The following SYNPR variants were observed in gnomAD, a reference collection of about 807,000 sequenced individuals.
SYNPR encodes synaptoporin.
Under a neutral mutation model 32.9 loss-of-function variants are expected in SYNPR, and 23 were observed. The observed-to-expected ratio is 0.70, with a 90% CI of 0.50 to 0.99. SYNPR has a LOEUF of 0.99. Ranked by LOEUF, SYNPR falls within the 50% of genes least tolerant of loss-of-function variation. The pLI is 0.00. For missense variants in SYNPR, 318 were observed against 349.3 expected (o/e 0.91, Z 0.71); for synonymous variants, 146 against 135.9 (o/e 1.07, Z -0.52).
chr3:63,219,894 T>C, the SYNPR span, among the ~76,000 whole-genome samples: 1 of 152,100 alleles, frequency 6.6e-6, no homozygotes, highest in Non-Finnish European at 1.5e-5. Context: ...GCACACTTGG[T>C]ATAAATTTTA....
chr3:63,231,576 C>T (rs1326252364), intron 1 of SYNPR, among the ~76,000 whole-genome samples: 1 of 142,704 alleles, frequency 7.0e-6, no homozygotes, highest in Admixed American at 7.0e-5. Context: ...AAATTACTTC[C>T]ATAATGATAA....
At chr3:63,237,637 T>G (rs1275672011) in intron 1 of SYNPR, among the ~76,000 whole-genome samples, 1 of 152,174 alleles carries the variant, frequency 6.6e-6, no homozygotes, top group African/African-American at 2.4e-5. Flanking sequence ...GAACATTTTG[T>G]CTATTATGTT....
chr3:63,534,909 A>C (rs1220168607), intron 3 of SYNPR, among the ~76,000 whole-genome samples: 1 of 151,904 alleles, frequency 6.6e-6, no homozygotes, highest in Non-Finnish European at 1.5e-5. Flanking sequence ...TAAGGAATCC[A>C]CCCCCATAAC....
At chr3:63,421,141 C>T (rs1184057932) in intron 2 of SYNPR, among the ~76,000 whole-genome samples, 2 of 152,064 alleles carry the variant, frequency 1.3e-5, no homozygotes, top group African/African-American at 2.4e-5. Context: ...TTTTGGCCTC[C>T]GAAATTGCCG....
At chr3:63,427,151 A>G (rs893593319) in intron 2 of SYNPR, among the ~76,000 whole-genome samples, 10 of 151,676 alleles carry the variant, frequency 6.6e-5, no homozygotes, top group African/African-American at 1.9e-4. Flanking sequence ...ATCTTTAAAA[A>G]AAAAAAAAAG....
intron 5 of SYNPR, among the ~76,000 whole-genome samples, chr3:63,614,941 C>T (rs1271882924): frequency 6.6e-6 from 1 of 152,192 alleles, no homozygotes; most frequent in African/African-American, 2.4e-5. Flanking sequence ...AAGCTTTCCA[C>T]ATCTTTAATG....
intron 3 of SYNPR, among the ~76,000 whole-genome samples, chr3:63,272,488 C>T (rs187376765): frequency 1.9e-4 from 29 of 149,236 alleles, no homozygotes; most frequent in African/African-American, 6.1e-4. Context: ...GGTGTTAAAA[C>T]TGACCCAATC....
Position 63,435,441 on chromosome 3 carries a change from G to A in SYNPR, c.85-45391G>A, listed in dbSNP as rs75667792. Among the ~76,000 whole-genome samples, 52 of 152,278 alleles carry A rather than the reference G, an allele frequency of 3.4e-4. No homozygotes were observed. The East Asian group carries it at 4.1e-3, about 12-fold the overall frequency. ...CACAACTGCCAAATTTCTCCATTACGTAAGTGGTTCTCCACAGTTTTTCAT... is the reference window on the plus strand; with the variant it reads ...CACAACTGCCAAATTTCTCCATTACATAAGTGGTTCTCCACAGTTTTTCAT... On this transcript the variant is annotated intron_variant, in intron 2 of 5. Transcript: ENST00000478300.
chr3:63,240,870 T>C lies in SYNPR; in HGVS notation n.67-11629T>C, dbSNP rs189332838. ...TTCATGCCAGCACATCACCAGCTAATTGCCCTGTGGTAGAATCCCACTGTG... is the reference window on the plus strand; with the variant it reads ...TTCATGCCAGCACATCACCAGCTAACTGCCCTGTGGTAGAATCCCACTGTG... On this transcript the variant is annotated intron_variant and non_coding_transcript_variant, in intron 1 of 4. Coordinates refer to the SYNPR transcript ENST00000478456. Among the ~76,000 whole-genome samples the C allele has an allele frequency of 9.7e-4, 147 of 152,234 alleles. 1 individual carries two copies. In the Middle Eastern group the frequency reaches 0.037, roughly 39 times the overall value.
intron 2 of SYNPR, among the ~76,000 whole-genome samples, chr3:63,339,806 C>CA (rs34841993): frequency 0.21 from 32,062 of 151,934 alleles, 3,846 homozygotes; most frequent in South Asian, 0.39. Flanking sequence ...TACAGGCATG[C>CA]CCACCATGTC....
intron 2 of SYNPR, among the ~76,000 whole-genome samples, chr3:63,400,721 G>A (rs2088279591): frequency 2.6e-5 from 4 of 152,196 alleles, no homozygotes; most frequent in Admixed American, 2.0e-4. Context: ...CTCAAAGACA[G>A]GAGTGTCAAA....
chr3:63,256,972 A>C (rs2106895737), intron 2 of SYNPR, among the ~76,000 whole-genome samples: 1 of 152,346 alleles, frequency 6.6e-6, no homozygotes, highest in East Asian at 1.9e-4. Flanking sequence ...GGTATCAGTG[A>C]TGGAAGATCA....
chr3:63,358,819 C>A (rs1304456271), intron 2 of SYNPR, among the ~76,000 whole-genome samples: 2 of 152,148 alleles, frequency 1.3e-5, no homozygotes, highest in Admixed American at 6.5e-5. Flanking sequence ...GATAAGGAAA[C>A]TAATCCTAGT....
At chr3:63,489,989 A>G (rs1701229634) in intron 3 of SYNPR, among the ~76,000 whole-genome samples, 1 of 152,160 alleles carries the variant, frequency 6.6e-6, no homozygotes, top group Admixed American at 6.5e-5. Flanking sequence ...ATGCAATCCC[A>G]GTAGGTATCA....
chr3:63,566,851 C>T (rs1438504166), intron 4 of SYNPR, among the ~76,000 whole-genome samples: 1 of 152,190 alleles, frequency 6.6e-6, no homozygotes, highest in Non-Finnish European at 1.5e-5. Context: ...CAGGTGCTAA[C>T]TAATGCAAGC....
intron 2 of SYNPR, among the ~76,000 whole-genome samples, chr3:63,377,024 C>G (rs2087904145): frequency 6.6e-6 from 1 of 152,088 alleles, no homozygotes; most frequent in African/African-American, 2.4e-5. Context: ...TTAGCATTCT[C>G]TCTTCAACAT....
chr3:63,397,295 T>TG (rs1560216765), intron 2 of SYNPR, among the ~76,000 whole-genome samples: 1 of 152,078 alleles, frequency 6.6e-6, no homozygotes, highest in Non-Finnish European at 1.5e-5. Flanking sequence ...GTCAGGAAAA[T>TG]GCAAGGGTTG....
At chr3:63,500,261 G>C (rs548704522) in intron 3 of SYNPR, among the ~76,000 whole-genome samples, 51 of 152,210 alleles carry the variant, frequency 3.4e-4, no homozygotes, top group African/African-American at 1.1e-3. Context: ...TGAAAATAAA[G>C]AGCAGTCCTC....
At chr3:63,299,173 A>G (rs1366114842) in intron 2 of SYNPR, among the ~76,000 whole-genome samples, 2 of 152,168 alleles carry the variant, frequency 1.3e-5, no homozygotes, top group Non-Finnish European at 2.9e-5. Context: ...AAGAAAGGAT[A>G]TATTGGAAAG....
Sources: allele counts gnomAD v4.1 joint callset (sites outside exome capture counted in the v4.1 genomes callset), GRCh38; gene constraint gnomAD v4.1.1; transcripts MANE v1.5; gene names NCBI Gene and HGNC (gene_info 2026-07-23, HGNC 2026-07-21).